Variants in AJUBA observed in about 807,000 individuals in gnomAD.
The protein encoded by AJUBA is LIM domain-containing protein ajuba.
AJUBA carries 20 observed loss-of-function variants against 53.3 expected under a neutral mutation model. The observed-to-expected ratio is 0.38, with a 90% confidence interval of 0.26 to 0.55. The LOEUF (loss-of-function observed/expected upper bound fraction) is 0.55. Among genes scored for constraint, AJUBA ranks in the 20% least tolerant of loss-of-function variants. The pLI, the probability that AJUBA is intolerant of heterozygous loss-of-function variation, is 0.80. For missense variants in AJUBA, 580 were observed against 730.5 expected (o/e 0.79, Z 2.38); for synonymous variants, 296 against 306.2 (o/e 0.97, Z 0.35).
chr14:22,973,516 T>C lies in AJUBA; in HGVS notation c.1544A>G (p.Asp515Gly). ...GCAACCATGGCAGAGCAAGTGCCCATCCAGAGGGAAACAGCAGCAGCCTTC... is the reference window on the plus strand; with the variant it reads ...GCAACCATGGCAGAGCAAGTGCCCACCCAGAGGGAAACAGCAGCAGCCTTC... ...DEEGCCCFPL[D>G]GHLLCHGCHM... is the part of the protein sequence containing the mutation. Residue 515 changes from aspartate to glycine, a missense_variant, in exon 8 of 8, where the codon GAT becomes GGT. Physicochemically the swap from Asp to Gly is moderately conservative, Grantham distance 94 (BLOSUM62 -1). Coordinates refer to ENST00000262713, the MANE Select transcript of AJUBA (RefSeq NM_032876.6). 6.2e-7 allele frequency: 1 copy of C among 1,614,132 alleles called. No individual in the cohort carries two copies. The highest frequency in any genetic ancestry group is 8.5e-7 in the Non-Finnish European group (1 of 1,180,010).
chr14:22,978,707 G>A, intron 1 of AJUBA: 1 of 1,258,832 alleles, frequency 7.9e-7, no homozygotes, highest in Non-Finnish European at 1.0e-6. Context: ...AGGAAACCTG[G>A]AGAAAGTCGA....
intron 6 of AJUBA, 21 bp downstream of exon 6, chr14:22,974,818 G>T (rs773664731): frequency 6.2e-6 from 10 of 1,607,238 alleles, no homozygotes; most frequent in Non-Finnish European, 8.5e-6. Context: ...CTGCCCTGAA[G>T]GAGAACCCAG....
At chr14:22,974,701 G>T in intron 6 of AJUBA, 138 bp downstream of exon 6, 1 of 1,017,580 alleles carries the variant, frequency 9.8e-7, no homozygotes, top group Non-Finnish European at 1.4e-6. Context: ...ACCCCAAGAG[G>T]CAGAGTCACA....
chr14:22,973,458 AG>A lies in AJUBA; in HGVS notation c.1601del (p.Pro534LeufsTer27). The A allele has an allele frequency of 6.2e-7, 1 of 1,611,890 alleles. No homozygotes were observed. Among genetic ancestry groups the A allele is most frequent in the African/African-American group, 1.3e-5 (1 of 75,014 alleles). On this transcript the variant is annotated frameshift_variant, in exon 8 of 8. Coordinates refer to ENST00000262713, the MANE Select transcript of AJUBA (RefSeq NM_032876.6). LOFTEE classifies it high-confidence loss of function. ...TGATTGCAGCTCAGATATAGTTGGC[AG>A]GGGGTTGTCGGGCATTGAGCCGCTG... Reference protein sequence around the residue: ...HMQRLNARQPPANYI With the variant: ...HMQRLNARQPXANYI
intron 1 of AJUBA, chr14:22,980,575 G>C (rs904256010): frequency 1.2e-5 from 12 of 984,852 alleles, no homozygotes; most frequent in Non-Finnish European, 1.4e-5. Context: ...GTACTACTGG[G>C]TCTCTGATTA....
At position 22,976,707 on chromosome 14, in the gene AJUBA, T is replaced by A. The variant is rs746812676; in HGVS notation, c.1114A>T (p.Thr372Ser). The A allele has an allele frequency of 3.3e-5, 53 of 1,613,824 alleles. No homozygotes were observed. The highest frequency in any genetic ancestry group is 4.4e-5 in the Non-Finnish European group (52 of 1,179,990). Residue 372 changes from threonine to serine, a missense_variant, in exon 3 of 8, where the codon ACT becomes TCT. Thr to Ser is a moderately conservative substitution (Grantham distance 58). Transcript: ENST00000262713. ...QCFVCCSCGR[T>S]LRCKAFYSVN... ...CTGTAGAAAGCCTTGCAACGCAAAG[T>A]TCGCCCTAGAAACAATAGAGAAGGG...
In AJUBA at chr14:22,981,701, G is replaced by A. The variant is rs2045099050; in HGVS notation, c.566C>T (p.Ala189Val). Residue 189 changes from alanine (A) to valine (V), a missense_variant, in exon 1 of 8, where the codon GCC (alanine) becomes GTC (valine). Ala to Val is a moderately conservative substitution (Grantham distance 64). Transcript: ENST00000262713. ...AGPCLFGPPL[A>V]GAPAGYSPGG... ...GGGAGAATAGCCTGCCGGTGCTCCG[G>A]CCAGGGGTGGGCCAAACAGGCACGG... is the stretch of plus-strand genomic sequence containing the variant. 2 of 1,524,620 alleles carry A rather than the reference G, an allele frequency of 1.3e-6. No individual in the cohort carries two copies. The highest frequency in any genetic ancestry group is 1.4e-5 in the African/African-American group (1 of 72,718). The allele number at this position is 1,524,620 out of a possible 1,614,324, so 94.4% of individuals were successfully genotyped here. A position where few individuals can be genotyped will look rare whatever the true frequency, so the allele number is the denominator to read the frequency against.
intron 2 of AJUBA, chr14:22,977,083 T>C: frequency 9.3e-7 from 1 of 1,076,184 alleles, no homozygotes; most frequent in Non-Finnish European, 1.1e-6. Flanking sequence ...ATGATTTGCA[T>C]AGAGAGAACC....
intron 2 of AJUBA, chr14:22,977,299 G>A: frequency 1.3e-6 from 1 of 756,404 alleles, no homozygotes; most frequent in Non-Finnish European, 1.6e-6. Flanking sequence ...GCTTCCCTAA[G>A]CTTAGAGGGA....
chr14:22,982,043 T>C lies in AJUBA; in HGVS notation c.224A>G (p.Asn75Ser). Reference protein sequence around the residue: ...REQGSLDAERNQRGSFEAPRY... With the variant: ...REQGSLDAERSQRGSFEAPRY... ...CGGCGCCTCAAAGGAGCCGCGCTGA[T>C]TTCGCTCAGCGTCCAGGGAACCTTG... Residue 75 changes from asparagine (N) to serine (S), a missense_variant, in exon 1 of 8, where the codon AAT becomes AGT. Physicochemically the swap from Asn to Ser is conservative, Grantham distance 46. Coordinates refer to ENST00000262713, the MANE Select transcript of AJUBA (RefSeq NM_032876.6). The C allele has an allele frequency of 6.3e-7, 1 of 1,591,916 alleles. No individual in the cohort carries two copies. Among genetic ancestry groups the C allele is most frequent in the East Asian group, 2.2e-5 (1 of 44,634 alleles).
Position 22,979,235 on chromosome 14 carries a change from G to C in AJUBA, c.1007-790C>G, listed in dbSNP as rs186268201. 2.0e-4 allele frequency: 157 copies of C among 780,556 alleles called. 3 individuals are homozygous for C. The Admixed American group carries it at 9.7e-3, about 48-fold the overall frequency. 48.4% of individuals were successfully genotyped at this position (780,556 alleles called of 1,614,324 possible). A position where few individuals can be genotyped will look rare whatever the true frequency, so the allele number is the denominator to read the frequency against. ...CTGGCTCTGGGACTTGCCTTTCCTGGGTGTGTTCTTCCCTCCCTCCACTCC... is the reference window on the plus strand; with the variant it reads ...CTGGCTCTGGGACTTGCCTTTCCTGCGTGTGTTCTTCCCTCCCTCCACTCC... On this transcript the variant is annotated intron_variant, in intron 1 of 7. Transcript: ENST00000262713. This position sits in a 1 kb window ranked among gnomAD's most constrained non-coding sequence, Gnocchi z 4.0.
At chr14:22,977,038 GTGC>G in intron 2 of AJUBA, 2 of 1,215,742 alleles carry the variant, frequency 1.6e-6, no homozygotes, top group Non-Finnish European at 2.1e-6. Context: ...AGCCAACTAC[GTGC>G]TGGAATACGT....
chr14:22,977,341 G>T, intron 2 of AJUBA: 1 of 357,162 alleles, frequency 2.8e-6, no homozygotes, highest in Non-Finnish European at 3.9e-6. Context: ...GACAACCCAG[G>T]ATCTTCTTCC....
chr14:22,974,759 G>C, intron 6 of AJUBA, 80 bp downstream of exon 6: 1 of 1,475,438 alleles, frequency 6.8e-7, no homozygotes, highest in Non-Finnish European at 9.2e-7. Context: ...CTTCTGGCAG[G>C]AGGCCAGGCA....
chr14:22,973,349 T>G lies in AJUBA; in HGVS notation c.*94A>C. On this transcript the variant is annotated 3_prime_UTR_variant, in exon 8 of 8. Coordinates refer to ENST00000262713, the MANE Select transcript of AJUBA (RefSeq NM_032876.6). ...CCCCAGAGGACTCTTCTGCCAGGCC[T>G]GCAGAGTGCATTCTTTGCCTTGGCT... is the stretch of plus-strand genomic sequence containing the variant. 6.6e-7 allele frequency: 1 copy of G among 1,522,234 alleles called. No individual in the cohort carries two copies. 94.3% of individuals were successfully genotyped at this position (1,522,234 alleles called of 1,614,324 possible).
intron 1 of AJUBA, 65 bp downstream of exon 1, chr14:22,981,195 CG>C: frequency 6.6e-7 from 1 of 1,505,638 alleles, no homozygotes. Context: ...TTTGGGCCGT[CG>C]GGGCAGTGGA....
At chr14:22,976,422 A>C (rs1020714604) in intron 4 of AJUBA, 34 bp downstream of exon 4, 3 of 1,608,080 alleles carry the variant, frequency 1.9e-6, no homozygotes, top group Non-Finnish European at 2.6e-6. Context: ...TCAGCCTCAC[A>C]GTGAGACTTC....
chr14:22,981,813 C>T lies in AJUBA; in HGVS notation c.454G>A (p.Ala152Thr). Residue 152 changes from alanine (A) to threonine (T), a missense_variant, in exon 1 of 8, where the codon GCT (alanine) becomes ACT (threonine). Transcript: ENST00000262713. ...TTGCTGCAGGGCCGGCTACCTCCAGCTCCGCCAGCCCCCGCCCCGTCCAGC... is the reference window on the plus strand; with the variant it reads ...TTGCTGCAGGGCCGGCTACCTCCAGTTCCGCCAGCCCCCGCCCCGTCCAGC... ...LLLDGAGAGG[A>T]GGSRPCSNRT... 1 of 1,533,792 alleles carries T rather than the reference C, an allele frequency of 6.5e-7. No homozygotes were observed. The highest frequency in any genetic ancestry group is 2.5e-5 in the East Asian group (1 of 40,778).
At position 22,979,728 on chromosome 14, in the gene AJUBA, A is replaced by C. The variant is rs185120859; in HGVS notation, c.1007-1283T>G. 1.7e-3 allele frequency among the ~76,000 whole-genome samples: 266 copies of C among 152,338 alleles called. 2 individuals are homozygous for C. The highest frequency in any genetic ancestry group is 6.0e-3 in the African/African-American group (248 of 41,568). On this transcript the variant is annotated intron_variant, in intron 1 of 7. Coordinates refer to ENST00000262713, the MANE Select transcript of AJUBA (RefSeq NM_032876.6). The surrounding 1 kb of genome is among the most constrained non-coding windows in gnomAD (Gnocchi z 4.0). ...TTGGACGTTATGGGAAAAGCAAACG[A>C]AACTGCTCAGGCACGTTGGCCTCAC...
Sources: allele counts gnomAD v4.1 joint callset (sites outside exome capture counted in the v4.1 genomes callset), GRCh38; gene constraint gnomAD v4.1.1; non-coding constraint Gnocchi (gnomAD v3.1); transcripts MANE v1.5; gene names NCBI Gene and HGNC (gene_info 2026-07-23, HGNC 2026-07-21).